Variants in GPR158 observed in about 807,000 individuals in gnomAD.
GPR158 encodes the protein metabotropic glycine receptor.
Under a neutral mutation model 78.2 loss-of-function variants are expected in GPR158, and 30 were observed. The observed-to-expected ratio is 0.38, with a 90% CI of 0.29 to 0.52. The LOEUF (loss-of-function observed/expected upper bound fraction) is 0.52, where lower values mean the gene tolerates loss of function less well. Among genes scored for constraint, GPR158 ranks in the 20% least tolerant of loss-of-function variants. The pLI is 0.83. For missense variants in GPR158, 1,463 were observed against 1,523.5 expected (o/e 0.96, Z 0.66); for synonymous variants, 581 against 591.1 (o/e 0.98, Z 0.25).
chr10:25,431,526 T>G (rs1024456936), intron 4 of GPR158, among the ~76,000 whole-genome samples: 3 of 143,746 alleles, frequency 2.1e-5, no homozygotes. Context: ...CCCAAATGGC[T>G]ATAAATCATG....
At chr10:25,189,110 C>T (rs1307221692) in intron 1 of GPR158, among the ~76,000 whole-genome samples, 8 of 152,132 alleles carry the variant, frequency 5.3e-5, no homozygotes, top group South Asian at 4.2e-4. Context: ...GTTAGAATGG[C>T]GATCATTCAA....
chr10:25,294,132 A>G (rs754061354), intron 2 of GPR158, among the ~76,000 whole-genome samples: 2 of 152,228 alleles, frequency 1.3e-5, no homozygotes, highest in Non-Finnish European at 2.9e-5. Context: ...CATCAACTAC[A>G]TTTATATTGT....
intron 2 of GPR158, among the ~76,000 whole-genome samples, chr10:25,376,257 G>T (rs1253974049): frequency 2.6e-5 from 4 of 151,424 alleles, no homozygotes; most frequent in Non-Finnish European, 5.9e-5. Flanking sequence ...TAAGTCTCTT[G>T]TGTATTTTTT....
At chr10:25,524,043 T>C (rs933373062) in intron 5 of GPR158, among the ~76,000 whole-genome samples, 2 of 151,710 alleles carry the variant, frequency 1.3e-5, no homozygotes, top group Non-Finnish European at 2.9e-5. Context: ...CAATGAACAA[T>C]CCTAAAATGA....
chr10:25,598,832 C>G lies in GPR158; in HGVS notation c.3206C>G (p.Ala1069Gly). 1 of 1,614,086 alleles carries G rather than the reference C, an allele frequency of 6.2e-7. No homozygotes were observed. The highest frequency in any genetic ancestry group is 8.5e-7 in the Non-Finnish European group (1 of 1,180,000). ...TCCAATCAGAAGCGCATAGATAAGG[C>G]TGAAGTATGCCTTTGGGAGAGCCAA... The part of the protein sequence containing the change: ...QQSNQKRIDK[A>G]EVCLWESQGQ... The change falls in exon 11 of 11, where the codon GCT becomes GGT. Residue 1069 changes from alanine (A) to glycine (G), a missense_variant. Transcript: ENST00000376351.
At chr10:25,579,562 C>A (rs545198436) in intron 7 of GPR158, among the ~76,000 whole-genome samples, 30 of 152,248 alleles carry the variant, frequency 2.0e-4, no homozygotes, top group African/African-American at 7.2e-4. Context: ...GATACTGAAG[C>A]GGAACCAGTG....
chr10:25,512,858 T>G (rs1836103129), intron 5 of GPR158, among the ~76,000 whole-genome samples: 1 of 152,166 alleles, frequency 6.6e-6, no homozygotes, highest in African/African-American at 2.4e-5. Flanking sequence ...TATTAAACCA[T>G]TTCTGCATCC....
chr10:25,270,742 A>G (rs1342119576), intron 2 of GPR158, among the ~76,000 whole-genome samples: 1 of 152,068 alleles, frequency 6.6e-6, no homozygotes, highest in Non-Finnish European at 1.5e-5. Context: ...ATTTTATCTC[A>G]TACTATTTTT....
chr10:25,435,363 T>C (rs546936215), intron 4 of GPR158, among the ~76,000 whole-genome samples: 1 of 152,284 alleles, frequency 6.6e-6, no homozygotes, highest in African/African-American at 2.4e-5. Context: ...AATGAGGTTG[T>C]TTCTGAAGAT....
At chr10:25,234,043 A>C (rs1588748616) in intron 2 of GPR158, among the ~76,000 whole-genome samples, 1 of 152,192 alleles carries the variant, frequency 6.6e-6, no homozygotes, top group Non-Finnish European at 1.5e-5. Context: ...TAGATGGTAA[A>C]TATCAATGGA....
At chr10:25,298,348 A>G (rs1463933056) in intron 2 of GPR158, among the ~76,000 whole-genome samples, 1 of 152,186 alleles carries the variant, frequency 6.6e-6, no homozygotes, top group Non-Finnish European at 1.5e-5. Context: ...ATCTTTTAAA[A>G]CAGGTCTTTT....
intron 5 of GPR158, among the ~76,000 whole-genome samples, chr10:25,469,780 T>A (rs1307326099): frequency 5.0e-5 from 3 of 60,288 alleles, no homozygotes; most frequent in South Asian, 9.3e-4. Flanking sequence ...CGAGACTCCA[T>A]CTCAAAAAAA....
intron 2 of GPR158, among the ~76,000 whole-genome samples, chr10:25,320,005 C>T (rs1854923356): frequency 6.6e-6 from 1 of 152,188 alleles, no homozygotes; most frequent in Non-Finnish European, 1.5e-5. Context: ...TTATATCTCT[C>T]CTCGACATCC....
chr10:25,418,510 T>C (rs539845428), intron 4 of GPR158, among the ~76,000 whole-genome samples: 1 of 152,220 alleles, frequency 6.6e-6, no homozygotes, highest in South Asian at 2.1e-4. Context: ...TTGAGCCCAG[T>C]GTGTTCTTCT....
intron 1 of GPR158, among the ~76,000 whole-genome samples, chr10:25,184,455 T>C (rs1253537848): frequency 6.6e-6 from 1 of 152,240 alleles, no homozygotes; most frequent in African/African-American, 2.4e-5. Context: ...TCCTGCTGTA[T>C]ATAAATTAGA....
At position 25,550,953 on chromosome 10, in the gene GPR158, CTCTT is replaced by C; in HGVS notation, c.1405-19_1405-16del. On this transcript the variant is annotated intron_variant, in intron 5 of 10. Transcript: ENST00000376351. ...TGGGTCATCAGTTGATCCTGAAGGTCTCTTTCTGTTTTCATCCCACAGGTTGTTA... is the reference window on the plus strand; with the variant it reads ...TGGGTCATCAGTTGATCCTGAAGGTCTCTGTTTTCATCCCACAGGTTGTTA... 8.1e-7 allele frequency: 1 copy of C among 1,231,092 alleles called. No individual in the cohort carries two copies. The highest frequency in any genetic ancestry group is 1.2e-6 in the Non-Finnish European group (1 of 830,586). 76.3% of individuals were successfully genotyped at this position (1,231,092 alleles called of 1,614,324 possible). A position where few individuals can be genotyped will look rare whatever the true frequency, so the allele number is the denominator to read the frequency against.
In GPR158 at chr10:25,395,966, A is replaced by G; in HGVS notation, c.1064A>G (p.Lys355Arg). 6.2e-7 allele frequency: 1 copy of G among 1,610,624 alleles called. No homozygotes were observed. Among genetic ancestry groups the G allele is most frequent in the Non-Finnish European group, 8.5e-7 (1 of 1,176,916 alleles). The change falls in exon 3 of 11, where the codon AAA (lysine) becomes AGA (arginine). Residue 355 changes from lysine (K) to arginine (R), a missense_variant. Lys to Arg is a conservative substitution (Grantham distance 26, BLOSUM62 2). Transcript: ENST00000376351. ...CTTGGAGCCTATGAGTGCATTTGCA[A>G]AGCAGGATTCTATCATCCTGGAGTC... ...FVLGAYECIC[K>R]AGFYHPGVLP... is the part of the protein sequence containing the mutation.
At chr10:25,484,665 AT>A (rs1465968541) in intron 5 of GPR158, among the ~76,000 whole-genome samples, 5 of 152,166 alleles carry the variant, frequency 3.3e-5, no homozygotes, top group African/African-American at 1.2e-4. Flanking sequence ...TAGAAAGAAA[AT>A]TCTGAAAAGG....
chr10:25,513,698 G>A (rs1003863025), intron 5 of GPR158, among the ~76,000 whole-genome samples: 1 of 152,062 alleles, frequency 6.6e-6, no homozygotes, highest in Non-Finnish European at 1.5e-5. Flanking sequence ...CTGTATCCCA[G>A]AGGATTTGAT....
Sources: gnomAD v4.1 joint callset for allele counts (sites outside exome capture counted in the v4.1 genomes callset) on GRCh38, gnomAD v4.1.1 for gene constraint, MANE v1.5 for transcripts, NCBI Gene and HGNC (gene_info 2026-07-23, HGNC 2026-07-21) for gene names.